SBNO2: variants seen among roughly 807,000 people sequenced by gnomAD.
SBNO2 encodes the protein protein strawberry notch homolog 2.
SBNO2 carries 89 observed loss-of-function variants against 146.3 expected under a neutral mutation model. The observed-to-expected ratio is 0.61, with a 90% CI of 0.51 to 0.73. The LOEUF (loss-of-function observed/expected upper bound fraction) is 0.73, where lower values mean the gene tolerates loss of function less well. Among genes scored for constraint, SBNO2 ranks in the 30% least tolerant of loss-of-function variants. The pLI is 0.00. For synonymous variants in SBNO2, 1,147 were observed against 892.6 expected, an observed-to-expected ratio of 1.29 and a Z score of -5.08; for missense variants, 2,092 against 2,003.7, an observed-to-expected ratio of 1.04 and a Z score of -0.84.
intron 4 of SBNO2, among the ~76,000 whole-genome samples, chr19:1,143,569 G>T (rs1159151797): frequency 1.3e-5 from 2 of 152,136 alleles, no homozygotes; most frequent in Non-Finnish European, 2.9e-5. Context: ...GGCAGGGCAG[G>T]TCCCTCCCGG....
intron 4 of SBNO2, among the ~76,000 whole-genome samples, chr19:1,138,307 C>A (rs73507280): frequency 6.7e-6 from 1 of 148,262 alleles, no homozygotes; most frequent in Non-Finnish European, 1.5e-5. Flanking sequence ...GGGGTGGGGC[C>A]GCGAGGCTGG....
Position 1,114,404 on chromosome 19 carries a change from C to G in SBNO2, c.1904G>C (p.Gly635Ala), listed in dbSNP as rs1424911116. ...SKRKRRPRGR[G>A]AKAPRLACET... ...GCACGCCAGCCGGGGGGCTTTGGCC[C>G]CGCGTCCCCGAGGTCGCCCTGCAGG... is the stretch of plus-strand genomic sequence containing the variant. The change falls in exon 18 of 32, where the codon GGG becomes GCG. Residue 635 changes from glycine (G) to alanine (A), a missense_variant. Coordinates refer to ENST00000361757, the MANE Select transcript of SBNO2 (RefSeq NM_014963.3). 6.5e-7 allele frequency: 1 copy of G among 1,540,220 alleles called. No homozygotes were observed. The highest frequency in any genetic ancestry group is 2.0e-5 in the Admixed American group (1 of 49,938).
At chr19:1,129,182 G>A (rs1282603986) in intron 4 of SBNO2, among the ~76,000 whole-genome samples, 2 of 152,150 alleles carry the variant, frequency 1.3e-5, no homozygotes. Flanking sequence ...CAGGAGAACT[G>A]CTTGAACTCA....
At position 1,113,806 on chromosome 19, in the gene SBNO2, G is replaced by A. The variant is rs954201629; in HGVS notation, c.2078-102C>T. On this transcript the variant is annotated intron_variant, in intron 18 of 31. Coordinates refer to ENST00000361757, the MANE Select transcript of SBNO2 (RefSeq NM_014963.3). ...GGAGGGCAAGGACAAGGGGCCCGGGGCAACCCTGAGGGACGGCAGGGTGGC... is the reference window on the plus strand; with the variant it reads ...GGAGGGCAAGGACAAGGGGCCCGGGACAACCCTGAGGGACGGCAGGGTGGC... 14 of 1,348,108 alleles carry A rather than the reference G, an allele frequency of 1.0e-5. No individual in the cohort carries two copies. The Admixed American group carries it at 3.0e-4, about 29-fold the overall frequency. 83.5% of individuals were successfully genotyped at this position (1,348,108 alleles called of 1,614,324 possible). A position where few individuals can be genotyped will look rare whatever the true frequency, so the allele number is the denominator to read the frequency against.
chr19:1,112,379 G>C lies in SBNO2; in HGVS notation c.2515+23C>G. The stretch of plus-strand genomic sequence containing the variant: ...CATGTTGGGGGCGGGGCCAGGCAGC[G>C]CTGGGGGCGGGGCCGGACTCACCGA... On this transcript the variant is annotated intron_variant, in intron 21 of 31. Coordinates refer to ENST00000361757, the MANE Select transcript of SBNO2 (RefSeq NM_014963.3). This position sits in a 1 kb window ranked among gnomAD's most constrained non-coding sequence, Gnocchi z 5.9. 6.3e-7 allele frequency: 1 copy of C among 1,586,244 alleles called. No homozygotes were observed. Among genetic ancestry groups the C allele is most frequent in the Non-Finnish European group, 8.5e-7 (1 of 1,169,888 alleles).
chr19:1,141,083 A>G (rs1360544404), intron 4 of SBNO2, among the ~76,000 whole-genome samples: 4 of 142,070 alleles, frequency 2.8e-5, no homozygotes, highest in African/African-American at 7.8e-5. Flanking sequence ...GAGAAGAGGC[A>G]CTCCGGAGAA....
chr19:1,157,220 G>A lies in SBNO2; in HGVS notation c.-126-2818C>T, dbSNP rs1343434707. On this transcript the variant is annotated intron_variant, in intron 1 of 31. Coordinates refer to ENST00000361757, the MANE Select transcript of SBNO2 (RefSeq NM_014963.3). This position sits in a 1 kb window ranked among gnomAD's most constrained non-coding sequence, Gnocchi z 6.8. The stretch of plus-strand genomic sequence containing the variant: ...CGCCGCCGTTTCTTGCAGCAGCTGT[G>A]ACCACGCCATGTCTCTGGGGCATCC... 2.0e-5 allele frequency among the ~76,000 whole-genome samples: 3 copies of A among 152,054 alleles called. No homozygotes were observed. In the South Asian group the frequency reaches 6.2e-4, roughly 31 times the overall value.
At chr19:1,152,666 C>T (rs1194101067) in intron 2 of SBNO2, among the ~76,000 whole-genome samples, 2 of 152,198 alleles carry the variant, frequency 1.3e-5, no homozygotes, top group African/African-American at 4.8e-5. Context: ...CAGCTCAGAG[C>T]CCCCTCTGGA....
rs894424972 is a variant in SBNO2 at position 1,140,601 on chromosome 19, G to A, written c.279+6708C>T. Among the ~76,000 whole-genome samples, 2 of 152,178 alleles carry A rather than the reference G, an allele frequency of 1.3e-5. No homozygotes were observed. Among genetic ancestry groups the A allele is most frequent in the African/African-American group, 2.4e-5 (1 of 41,442 alleles). ...ATCCTGGCGCAGCGTGAGCCCCAGG[G>A]GTGGGGGTGGGGGTGGCCAGGGAGC... On this transcript the variant is annotated intron_variant, in intron 4 of 31. Coordinates refer to ENST00000361757, the MANE Select transcript of SBNO2 (RefSeq NM_014963.3). This position sits in a 1 kb window ranked among gnomAD's most constrained non-coding sequence, Gnocchi z 4.4.
intron 1 of SBNO2, among the ~76,000 whole-genome samples, chr19:1,166,246 C>CTT (rs71174349): frequency 3.5e-5 from 5 of 144,256 alleles, no homozygotes; most frequent in South Asian, 2.2e-4. Context: ...AGATCCCAGA[C>CTT]CCCAGCCCAG....
rs771187707 is a variant in SBNO2, at chr19:1,110,917, C to G, written c.2885-29G>C. On this transcript the variant is annotated intron_variant, in intron 25 of 31. Coordinates refer to ENST00000361757, the MANE Select transcript of SBNO2 (RefSeq NM_014963.3). The surrounding 1 kb of genome is among the most constrained non-coding windows in gnomAD (Gnocchi z 4.9). ...GTAGGGGAGGGAGCCAAGCCTCAGG[C>G]TGCGCTGGGAATCCCTCTCCCTGCT... The G allele has an allele frequency of 6.2e-7, 1 of 1,611,792 alleles. No homozygotes were observed. Among genetic ancestry groups the G allele is most frequent in the Middle Eastern group, 1.7e-4 (1 of 6,052 alleles).
intron 15 of SBNO2, 105 bp downstream of exon 15, chr19:1,117,217 GC>G: frequency 8.4e-7 from 1 of 1,190,184 alleles, no homozygotes; most frequent in South Asian, 1.6e-5. Flanking sequence ...CCAGGGTGCA[GC>G]CCCCGCCCAC....
At chr19:1,132,368 C>T in intron 4 of SBNO2, 1 of 1,130,656 alleles carries the variant, frequency 8.8e-7, no homozygotes, top group African/African-American at 1.6e-5. Context: ...CAATTACCGG[C>T]AGTGCGAGGA....
chr19:1,113,192 G>C (rs1342015989), intron 19 of SBNO2, among the ~76,000 whole-genome samples: 1 of 152,216 alleles, frequency 6.6e-6, no homozygotes, highest in Admixed American at 6.5e-5. Flanking sequence ...GGCGGGGGCA[G>C]GGAGTAGGAG....
rs1156782742 is a variant in SBNO2 at position 1,136,820 on chromosome 19, G to A, written c.280-9055C>T. ...TGCAAAGCGCTTTTCTGAGCCGTGA[G>A]CTCATCCTGAGCTTCCCAGAAGCCC... is the stretch of plus-strand genomic sequence containing the variant. On this transcript the variant is annotated intron_variant, in intron 4 of 31. Coordinates refer to ENST00000361757, the MANE Select transcript of SBNO2 (RefSeq NM_014963.3). This position sits in a 1 kb window ranked among gnomAD's most constrained non-coding sequence, Gnocchi z 4.2. Among the ~76,000 whole-genome samples, 1 of 152,130 alleles carries A rather than the reference G, an allele frequency of 6.6e-6. No homozygotes were observed. Among genetic ancestry groups the A allele is most frequent in the Non-Finnish European group, 1.5e-5 (1 of 68,014 alleles).
chr19:1,108,907 T>C lies in SBNO2; in HGVS notation c.3488A>G (p.His1163Arg). The stretch of plus-strand genomic sequence containing the variant: ...CAGCGCGCCGCACAGCATGTAGTGG[T>C]GCCGCAGCCGCAGCCCCTGCAGGCA... ...KDCLQGLRLR[H>R]HYMLCGALLR... The change falls in exon 31 of 32, where the codon CAC (histidine) becomes CGC (arginine). Residue 1163 changes from histidine (H) to arginine (R), a missense_variant. By Grantham distance (29) the His-to-Arg change is conservative. Transcript: ENST00000361757. 6.3e-7 allele frequency: 1 copy of C among 1,580,708 alleles called. No individual in the cohort carries two copies. Among genetic ancestry groups the C allele is most frequent in the Non-Finnish European group, 8.5e-7 (1 of 1,171,090 alleles).
rs1399093706 is a variant in SBNO2 at position 1,140,959 on chromosome 19, C to A, written c.279+6350G>T. 3.9e-5 allele frequency among the ~76,000 whole-genome samples: 6 copies of A among 152,184 alleles called. No homozygotes were observed. Among genetic ancestry groups the A allele is most frequent in the Non-Finnish European group, 1.5e-5 (1 of 68,034 alleles). Reference sequence around the variant, plus strand: ...GGGATTCCTCCATCCAGTCAGGAGACAACCCCAGACAAAACCAACGGAGAG... The same window carrying A: ...GGGATTCCTCCATCCAGTCAGGAGAAAACCCCAGACAAAACCAACGGAGAG... On this transcript the variant is annotated intron_variant, in intron 4 of 31. Transcript: ENST00000361757. This position sits in a 1 kb window ranked among gnomAD's most constrained non-coding sequence, Gnocchi z 4.4.
chr19:1,122,319 G>T, intron 10 of SBNO2, 37 bp from the exon 11 acceptor site: 1 of 1,527,442 alleles, frequency 6.5e-7, no homozygotes, highest in Non-Finnish European at 8.8e-7. Context: ...ATGGGGCCCC[G>T]GCTCAGCAGG....
At chr19:1,162,417 G>A (rs2080357340) in intron 1 of SBNO2, among the ~76,000 whole-genome samples, 1 of 149,690 alleles carries the variant, frequency 6.7e-6, no homozygotes, top group Non-Finnish European at 1.5e-5. Flanking sequence ...CCGAGATCGG[G>A]CCACTGCACT....
Sources: gnomAD v4.1 joint callset for allele counts (sites outside exome capture counted in the v4.1 genomes callset) on GRCh38, gnomAD v4.1.1 for gene constraint, Gnocchi (gnomAD v3.1) non-coding constraint, MANE v1.5 for transcripts, NCBI Gene and HGNC (gene_info 2026-07-23, HGNC 2026-07-21) for gene names.